Variants in INPP4A observed in about 807,000 individuals in gnomAD.
The protein encoded by INPP4A is inositol polyphosphate-4-phosphatase type I A, also known as inositol polyphosphate-4-phosphatase, type I, 107kD.
A neutral mutation model predicts 119.8 loss-of-function variants in INPP4A; 33 were observed. The observed-to-expected ratio is 0.28, with a 90% CI of 0.21 to 0.37. The LOEUF is 0.37. Ranked by LOEUF, INPP4A falls within the 10% of genes least tolerant of loss-of-function variation. INPP4A has a pLI of 1.00. For synonymous variants in INPP4A, 496 were observed against 500.7 expected (o/e 0.99, Z 0.12); for missense variants, 956 against 1,289.9 (o/e 0.74, Z 3.97).
At chr2:98,561,161 A>G (rs1028544821) in intron 17 of INPP4A, among the ~76,000 whole-genome samples, 3 of 152,234 alleles carry the variant, frequency 2.0e-5, no homozygotes, top group African/African-American at 7.2e-5. Flanking sequence ...AGTGCTCTTC[A>G]AAGTTATCTA....
At chr2:98,533,351 A>G in intron 4 of INPP4A, 26 bp from the exon 5 acceptor site, 1 of 1,458,802 alleles carries the variant, frequency 6.9e-7, no homozygotes, top group South Asian at 1.1e-5. Flanking sequence ...TAAAGGATTC[A>G]TTTCTTTCCC....
At chr2:98,567,084 A>T (rs968161412) in intron 21 of INPP4A, among the ~76,000 whole-genome samples, 2 of 152,186 alleles carry the variant, frequency 1.3e-5, no homozygotes, top group African/African-American at 4.8e-5. Context: ...TCAGTGGGGC[A>T]GGACACAATC....
At chr2:98,556,422 A>C (rs1694500564) in intron 16 of INPP4A, among the ~76,000 whole-genome samples, 1 of 152,232 alleles carries the variant, frequency 6.6e-6, no homozygotes, top group Non-Finnish European at 1.5e-5. Context: ...GGCATGAAGC[A>C]GCATGCTTCA....
intron 1 of INPP4A, among the ~76,000 whole-genome samples, chr2:98,446,687 G>T (rs947627329): frequency 6.6e-6 from 1 of 152,132 alleles, no homozygotes; most frequent in African/African-American, 2.4e-5. Context: ...TACTCATCAT[G>T]TAGCTACTTT....
chr2:98,545,438 A>G (rs1692296178), intron 11 of INPP4A, among the ~76,000 whole-genome samples: 1 of 152,208 alleles, frequency 6.6e-6, no homozygotes, highest in African/African-American at 2.4e-5. Context: ...GCCGGAATCA[A>G]TGCTATATTG....
At position 98,572,682 on chromosome 2, in the gene INPP4A, C is replaced by T. The variant is rs1233088558; in HGVS notation, c.2519-133C>T. 5 of 605,102 alleles carry T rather than the reference C, an allele frequency of 8.3e-6. No individual in the cohort carries two copies. In the East Asian group the frequency reaches 1.1e-4, roughly 13 times the overall value. 37.5% of individuals were successfully genotyped at this position (605,102 alleles called of 1,614,324 possible). ...GCAGCCATGTCCTATCCCCAAACAC[C>T]TCCATCCCTTCTTCAACCGGGAACT... On this transcript the variant is annotated intron_variant, in intron 22 of 24. Transcript: ENST00000409851.
intron 1 of INPP4A, among the ~76,000 whole-genome samples, chr2:98,517,048 C>A (rs1396437913): frequency 6.6e-6 from 1 of 152,018 alleles, no homozygotes. Flanking sequence ...TGTGTGTAAC[C>A]CGCACCCAGA....
chr2:98,565,835 A>G (rs1420077600), intron 20 of INPP4A, 69 bp downstream of exon 20: 16 of 1,574,272 alleles, frequency 1.0e-5, no homozygotes, highest in Non-Finnish European at 1.4e-5. Context: ...CAGGGAAGGT[A>G]CTCTTCTGAA....
chr2:98,510,622 A>C (rs1031216801), intron 1 of INPP4A, among the ~76,000 whole-genome samples: 2 of 152,196 alleles, frequency 1.3e-5, no homozygotes, highest in Non-Finnish European at 2.9e-5. Flanking sequence ...TTCATACAGC[A>C]CTAATCCCAC....
At chr2:98,519,280 A>G (rs1490156667) in intron 2 of INPP4A, 1 of 152,266 alleles carries the variant, frequency 6.6e-6, no homozygotes, top group African/African-American at 2.4e-5. Flanking sequence ...TAGTTCTGAG[A>G]GCAGAGTGTG....
chr2:98,548,022 G>A (rs1692779455), intron 13 of INPP4A, among the ~76,000 whole-genome samples: 1 of 152,194 alleles, frequency 6.6e-6, no homozygotes, highest in Admixed American at 6.5e-5. Flanking sequence ...ATGGCTGGGA[G>A]TCAGGACGTG....
chr2:98,575,577 A>T (rs10198092), intron 23 of INPP4A, among the ~76,000 whole-genome samples: 1 of 151,916 alleles, frequency 6.6e-6, no homozygotes, highest in Non-Finnish European at 1.5e-5. Context: ...GAAGAAGCCT[A>T]TTCTCCTTCT....
intron 17 of INPP4A, among the ~76,000 whole-genome samples, chr2:98,562,726 C>T (rs1289195024): frequency 1.3e-5 from 2 of 152,160 alleles, no homozygotes; most frequent in African/African-American, 2.4e-5. Flanking sequence ...AGAGTCAAAA[C>T]CCAAAATATC....
intron 1 of INPP4A, among the ~76,000 whole-genome samples, chr2:98,472,099 C>T (rs1203088273): frequency 2.0e-5 from 3 of 152,356 alleles, no homozygotes; most frequent in Non-Finnish European, 2.9e-5. Flanking sequence ...CATGTGACTC[C>T]ATTTTCTCGT....
At chr2:98,527,413 G>A (rs1402270090) in intron 4 of INPP4A, among the ~76,000 whole-genome samples, 1 of 152,164 alleles carries the variant, frequency 6.6e-6, no homozygotes. Context: ...AGCTGCCAGA[G>A]GTAGTAGTAA....
chr2:98,516,951 T>C (rs183011768), intron 1 of INPP4A, among the ~76,000 whole-genome samples: 71 of 152,306 alleles, frequency 4.7e-4, no homozygotes, highest in Non-Finnish European at 1.5e-4. Flanking sequence ...AAGTTTTTTT[T>C]TTAATGCTAT....
chr2:98,576,988 G>C lies in INPP4A; in HGVS notation c.2632-1G>C. 1 of 1,610,552 alleles carries C rather than the reference G, an allele frequency of 6.2e-7. No homozygotes were observed. The highest frequency in any genetic ancestry group is 8.5e-7 in the Non-Finnish European group (1 of 1,177,276). ...AGCACGGCCCATGTTTCTGTTGGCA[G>C]ATCTGCCGCCGCCTTAATGGGGTCC... On this transcript the variant is annotated splice_acceptor_variant, in intron 23 of 24. Coordinates refer to ENST00000409851, the MANE Select transcript of INPP4A (RefSeq NM_001134225.2). LOFTEE classifies it high-confidence loss of function.
intron 11 of INPP4A, among the ~76,000 whole-genome samples, 172 bp from the exon 12 acceptor site, chr2:98,545,797 C>T (rs1479189518): frequency 1.3e-5 from 2 of 152,204 alleles, no homozygotes; most frequent in Non-Finnish European, 2.9e-5. Flanking sequence ...GGCATCTCAC[C>T]CACCTGCCAC....
chr2:98,471,725 G>A (rs1676049158), intron 1 of INPP4A, among the ~76,000 whole-genome samples: 1 of 152,180 alleles, frequency 6.6e-6, no homozygotes, highest in South Asian at 2.1e-4. Context: ...CTCCCAAGAC[G>A]TTGCTGGCCC....
Sources: allele counts gnomAD v4.1 joint callset (sites outside exome capture counted in the v4.1 genomes callset), GRCh38; gene constraint gnomAD v4.1.1; transcripts MANE v1.5; gene names NCBI Gene and HGNC (gene_info 2026-07-23, HGNC 2026-07-21).